Variants in CCNY observed in about 807,000 individuals in gnomAD.
The protein encoded by CCNY is cyclin-Y.
A neutral mutation model predicts 42.8 loss-of-function variants in CCNY; 19 were observed. The observed-to-expected ratio is 0.44, with a 90% confidence interval of 0.31 to 0.65. The LOEUF (loss-of-function observed/expected upper bound fraction) is 0.65, where lower values mean the gene tolerates loss of function less well. Ranked by LOEUF, CCNY falls within the 30% of genes least tolerant of loss-of-function variation. CCNY has a pLI of 0.07. For synonymous variants in CCNY, 165 were observed against 162.7 expected (o/e 1.01, Z -0.11); for missense variants, 370 against 437.3 (o/e 0.85, Z 1.37).
chr10:35,285,077 A>G (rs1354950359), intron 3 of CCNY, among the ~76,000 whole-genome samples: 2 of 152,068 alleles, frequency 1.3e-5, no homozygotes, highest in African/African-American at 4.8e-5. Context: ...GTGCAGCAGC[A>G]TGATCTTAGC....
At chr10:35,479,871 A>C (rs1194421977) in intron 1 of CCNY, among the ~76,000 whole-genome samples, 47 of 152,090 alleles carry the variant, frequency 3.1e-4, no homozygotes, top group Non-Finnish European at 1.5e-5. Context: ...CTGACTCTGC[A>C]ATGAGGGGAT....
At chr10:35,533,284 C>T (rs1346424088) in intron 7 of CCNY, among the ~76,000 whole-genome samples, 1 of 152,118 alleles carries the variant, frequency 6.6e-6, no homozygotes, top group Non-Finnish European at 1.5e-5. Flanking sequence ...GTTGAAGGAG[C>T]TTGGTCCTGC....
chr10:35,406,201 TTTTATTTATTTA>T (rs34172154), intron 1 of CCNY, among the ~76,000 whole-genome samples: 2,199 of 124,382 alleles, frequency 0.018, 26 homozygotes, highest in East Asian at 0.053. Flanking sequence ...TTCTTTTTTA[TTTTATTTATTTA>T]TTTATTTATT....
Position 35,259,145 on chromosome 10 carries a change from T to G in CCNY, c.-9+8519T>G, listed in dbSNP as rs541923758. Among the ~76,000 whole-genome samples, 61 of 152,262 alleles carry G rather than the reference T, an allele frequency of 4.0e-4. 1 individual carries two copies. The highest frequency in any genetic ancestry group is 1.5e-3 in the African/African-American group (61 of 41,556). ...AAAGAGATTCTGCCCGGGTAATTGT[T>G]ATCTAGATAGGGAGACCGATTCTTG... On this transcript the variant is annotated intron_variant, in intron 3 of 11. Transcript: ENST00000374706.
intron 3 of CCNY, among the ~76,000 whole-genome samples, chr10:35,262,534 T>C (rs1160234999): frequency 6.6e-6 from 1 of 151,802 alleles, no homozygotes; most frequent in African/African-American, 2.4e-5. Flanking sequence ...TATTTGTTTA[T>C]GTTTTTTAAT....
intron 1 of CCNY, among the ~76,000 whole-genome samples, chr10:35,478,443 A>G (rs1302362951): frequency 4.6e-5 from 7 of 151,604 alleles, no homozygotes; most frequent in Non-Finnish European, 3.0e-5. Context: ...AAACAGAGAT[A>G]TAGATCAATG....
At chr10:35,539,453 C>G (rs1295625762) in intron 7 of CCNY, among the ~76,000 whole-genome samples, 1 of 152,124 alleles carries the variant, frequency 6.6e-6, no homozygotes, top group African/African-American at 2.4e-5. Context: ...CAACGTTTTT[C>G]TATAGTTTTC....
upstream of CCNY, among the ~76,000 whole-genome samples, chr10:35,333,287 T>TA (rs1835967372): frequency 6.6e-6 from 1 of 152,182 alleles, no homozygotes; most frequent in Non-Finnish European, 1.5e-5. Context: ...GATTCCCGAG[T>TA]GACACAGTGT....
intron 8 of CCNY, 25 bp downstream of exon 8, chr10:35,553,210 G>A (rs1175576672): frequency 6.2e-7 from 1 of 1,610,382 alleles, no homozygotes; most frequent in East Asian, 2.2e-5. Flanking sequence ...AGAGGGTGTT[G>A]GTCATCAGAG....
chr10:35,553,313 G>A (rs1841298641), intron 8 of CCNY, 128 bp downstream of exon 8: 1 of 871,610 alleles, frequency 1.1e-6, no homozygotes, highest in Non-Finnish European at 1.7e-6. Flanking sequence ...TCTGTTGTGA[G>A]CTGTTACAAC....
At chr10:35,338,728 T>C (rs1406471659) in intron 1 of CCNY, among the ~76,000 whole-genome samples, 1 of 152,240 alleles carries the variant, frequency 6.6e-6, no homozygotes, top group African/African-American at 2.4e-5. Flanking sequence ...ATGTCTTCTT[T>C]ATGATGTGCA....
chr10:35,571,259 G>A lies in CCNY; in HGVS notation c.*2089G>A, dbSNP rs1054153069. On this transcript the variant is annotated 3_prime_UTR_variant, in exon 10 of 10. Coordinates refer to ENST00000374704, the MANE Select transcript of CCNY (RefSeq NM_145012.6). ...TATTTGAATGAGAGATTTGAAAATC[G>A]AATTATGTAAATATTTCAATGCATC... is the stretch of plus-strand genomic sequence containing the variant. 3.9e-5 allele frequency: 6 copies of A among 152,224 alleles called. No homozygotes were observed. The highest frequency in any genetic ancestry group is 1.2e-4 in the African/African-American group (5 of 41,540). 9.4% of individuals were successfully genotyped at this position (152,224 alleles called of 1,614,324 possible). A position where few individuals can be genotyped will look rare whatever the true frequency, so the allele number is the denominator to read the frequency against.
chr10:35,354,594 G>A (rs1161484917), intron 1 of CCNY, among the ~76,000 whole-genome samples: 2 of 152,158 alleles, frequency 1.3e-5, no homozygotes, highest in East Asian at 3.9e-4. Flanking sequence ...ACAAGAGTGT[G>A]AATACCAGGA....
At chr10:35,518,119 C>G (rs1840467196) in intron 4 of CCNY, among the ~76,000 whole-genome samples, 1 of 152,194 alleles carries the variant, frequency 6.6e-6, no homozygotes, top group Non-Finnish European at 1.5e-5. Context: ...CTTAGTTGCT[C>G]AACACTTTCA....
chr10:35,346,706 A>T (rs1038585480), intron 1 of CCNY, among the ~76,000 whole-genome samples: 1 of 152,188 alleles, frequency 6.6e-6, no homozygotes, highest in African/African-American at 2.4e-5. Context: ...GCTCACTGCA[A>T]ACCTCCGCCT....
At chr10:35,405,600 T>C (rs1401547064) in intron 1 of CCNY, among the ~76,000 whole-genome samples, 4 of 152,072 alleles carry the variant, frequency 2.6e-5, no homozygotes, top group African/African-American at 7.3e-5. Flanking sequence ...TGGCCGTCAA[T>C]ACCCACAACA....
chr10:35,512,063 A>G (rs1165403790), intron 3 of CCNY, among the ~76,000 whole-genome samples: 2 of 152,232 alleles, frequency 1.3e-5, no homozygotes, highest in Non-Finnish European at 2.9e-5. Flanking sequence ...GATAGTGGCT[A>G]GAGGGGTGCA....
At chr10:35,496,674 G>GA (rs1040460032) in intron 2 of CCNY, among the ~76,000 whole-genome samples, 3 of 151,802 alleles carry the variant, frequency 2.0e-5, no homozygotes, top group Non-Finnish European at 2.9e-5. Flanking sequence ...CTCTAAAAAA[G>GA]AAAAAAATTG....
chr10:35,278,316 C>T (rs190370250), intron 3 of CCNY, among the ~76,000 whole-genome samples: 8 of 152,040 alleles, frequency 5.3e-5, no homozygotes, highest in African/African-American at 1.9e-4. Context: ...AGAGAGCACA[C>T]GCCGAAGGAG....
Sources: allele counts gnomAD v4.1 joint callset (sites outside exome capture counted in the v4.1 genomes callset), GRCh38; gene constraint gnomAD v4.1.1; transcripts MANE v1.5; gene names NCBI Gene and HGNC (gene_info 2026-07-23, HGNC 2026-07-21).